MPPED2: variants seen among roughly 807,000 people sequenced by gnomAD.
MPPED2 encodes metallophosphoesterase domain containing 2.
In MPPED2, 5 loss-of-function variants were observed where a neutral mutation model predicts 33.0. The observed-to-expected ratio is 0.15, with a 90% CI of 0.08 to 0.32. The LOEUF (loss-of-function observed/expected upper bound fraction) is 0.32, where lower values mean the gene tolerates loss of function less well. Among genes scored for constraint, MPPED2 ranks in the 10% least tolerant of loss-of-function variants. The pLI is 1.00. For synonymous variants in MPPED2, 136 were observed against 141.9 expected (o/e 0.96, Z 0.29); for missense variants, 275 against 372.1 (o/e 0.74, Z 2.15).
chr11:30,566,622 T>C (rs1406134356), intron 2 of MPPED2, among the ~76,000 whole-genome samples: 3 of 152,220 alleles, frequency 2.0e-5, no homozygotes, highest in African/African-American at 7.2e-5. Context: ...CACATGTTAA[T>C]TCCTCGAATC....
intron 4 of MPPED2, among the ~76,000 whole-genome samples, chr11:30,432,950 T>C (rs1186779556): frequency 6.6e-6 from 1 of 152,160 alleles, no homozygotes; most frequent in Non-Finnish European, 1.5e-5. Flanking sequence ...AATGTGAACG[T>C]GGAAAAAAGC....
At chr11:30,585,706 G>C (rs1957433627) in intron 1 of MPPED2, among the ~76,000 whole-genome samples, 1 of 152,142 alleles carries the variant, frequency 6.6e-6, no homozygotes, top group African/African-American at 2.4e-5. Flanking sequence ...GGGGACTGAT[G>C]GCTGGAGGGG....
In MPPED2 at chr11:30,583,134, C is replaced by CTTTTTTTCTTTTTTTTTTTTTTTTT. The variant is rs1554919022; in HGVS notation, c.-121-2641_-121-2640insAAAAAAAAAAAAAAAAAGAAAAAAA. Among the ~76,000 whole-genome samples, 90 of 96,698 alleles carry CTTTTTTTCTTTTTTTTTTTTTTTTT rather than the reference C, an allele frequency of 9.3e-4. 4 individuals are homozygous for CTTTTTTTCTTTTTTTTTTTTTTTTT. Among genetic ancestry groups the CTTTTTTTCTTTTTTTTTTTTTTTTT allele is most frequent in the African/African-American group, 1.3e-3 (27 of 20,682 alleles). 63.4% of individuals were successfully genotyped at this position (96,698 alleles called of 152,430 possible). On this transcript the variant is annotated intron_variant, in intron 1 of 6. Transcript: ENST00000358117. ...CACAAACACCTGGAAAAGACTTTTT[C>CTTTTTTTCTTTTTTTTTTTTTTTTT]TTTTTTTTTTTTTTTTTTTTTTTTT...
chr11:30,577,431 A>T (rs1278481293), intron 2 of MPPED2, among the ~76,000 whole-genome samples: 1 of 152,202 alleles, frequency 6.6e-6, no homozygotes, highest in African/African-American at 2.4e-5. Flanking sequence ...TAACAATCCC[A>T]TGCAAAATAA....
rs753110690 is a variant in MPPED2 at position 30,535,978 on chromosome 11, C to T, written c.310+16G>A. On this transcript the variant is annotated intron_variant, in intron 3 of 6. Coordinates refer to ENST00000358117, the MANE Select transcript of MPPED2 (RefSeq NM_001584.3). The stretch of plus-strand genomic sequence containing the variant: ...GAAAGGTTAATTGGGGCCGCCAGAA[C>T]GCAATCATTCCTTACCTAACCAGTC... 33 of 1,574,166 alleles carry T rather than the reference C, an allele frequency of 2.1e-5. No homozygotes were observed. The highest frequency in any genetic ancestry group is 2.0e-4 in the Admixed American group (11 of 53,832).
intron 2 of MPPED2, among the ~76,000 whole-genome samples, chr11:30,558,321 T>C (rs1956080219): frequency 6.6e-6 from 1 of 152,188 alleles, no homozygotes; most frequent in Admixed American, 6.5e-5. Flanking sequence ...AAAGCTATAG[T>C]TCAGCTATTC....
At chr11:30,541,722 A>G (rs1955130281) in intron 2 of MPPED2, among the ~76,000 whole-genome samples, 1 of 152,110 alleles carries the variant, frequency 6.6e-6, no homozygotes, top group South Asian at 2.1e-4. Context: ...CCTCTCAAGT[A>G]ACTACGACTA....
intron 1 of MPPED2, among the ~76,000 whole-genome samples, chr11:30,583,134 C>CTTTTTTTCTTTTTTTCTT (rs1554919022): frequency 1.0e-5 from 1 of 96,712 alleles, no homozygotes; most frequent in Non-Finnish European, 2.0e-5. Context: ...AAGACTTTTT[C>CTTTTTTTCTTTTTTTCTT]TTTTTTTTTT....
chr11:30,580,771 C>T (rs890479869), intron 1 of MPPED2, among the ~76,000 whole-genome samples: 1 of 152,140 alleles, frequency 6.6e-6, no homozygotes, highest in Non-Finnish European at 1.5e-5. Flanking sequence ...GCGTGAATTA[C>T]GGAAGGGGCA....
chr11:30,428,481 G>T lies in MPPED2; in HGVS notation c.537-10848C>A, dbSNP rs143445984. 1.1e-3 allele frequency among the ~76,000 whole-genome samples: 167 copies of T among 152,270 alleles called. 2 individuals carry two copies. Among genetic ancestry groups the T allele is most frequent in the African/African-American group, 3.5e-3 (146 of 41,554 alleles). On this transcript the variant is annotated intron_variant, in intron 4 of 6. Coordinates refer to ENST00000358117, the MANE Select transcript of MPPED2 (RefSeq NM_001584.3). ...TTGAGCCCAGGAGTTTGAAGATGCA[G>T]TGAGCTCTGATACACCACTGCACTC...
chr11:30,550,167 G>T (rs1590818621), intron 2 of MPPED2, among the ~76,000 whole-genome samples: 2 of 152,140 alleles, frequency 1.3e-5, no homozygotes, highest in African/African-American at 4.8e-5. Flanking sequence ...TTCCGTGGAG[G>T]CAATGTGATT....
intron 3 of MPPED2, among the ~76,000 whole-genome samples, chr11:30,529,323 T>A (rs996413086): frequency 1.3e-5 from 2 of 152,244 alleles, no homozygotes; most frequent in African/African-American, 4.8e-5. Context: ...TATGGAGGAA[T>A]GTATATTTTA....
intron 4 of MPPED2, among the ~76,000 whole-genome samples, chr11:30,439,154 A>G (rs1949452615): frequency 6.6e-6 from 1 of 152,218 alleles, no homozygotes; most frequent in Admixed American, 6.5e-5. Flanking sequence ...TAAATTCAAG[A>G]TTAGGCCCTT....
intron 6 of MPPED2, among the ~76,000 whole-genome samples, chr11:30,396,354 G>A (rs1008277495): frequency 3.9e-5 from 6 of 152,134 alleles, no homozygotes; most frequent in Non-Finnish European, 7.4e-5. Flanking sequence ...GCAGCTGCCT[G>A]TATATACCTG....
rs147490521 is a variant in MPPED2 at position 30,423,612 on chromosome 11, A to G, written c.537-5979T>C. 5.9e-5 allele frequency among the ~76,000 whole-genome samples: 9 copies of G among 152,326 alleles called. No homozygotes were observed. The East Asian group carries it at 1.7e-3, about 29-fold the overall frequency. On this transcript the variant is annotated intron_variant, in intron 4 of 6. Coordinates refer to ENST00000358117, the MANE Select transcript of MPPED2 (RefSeq NM_001584.3). The stretch of plus-strand genomic sequence containing the variant: ...AAGAGCATGGATTATGGAGTCAAAC[A>G]GACCCAAGTTCAAGTTCCAGACTGG...
chr11:30,475,486 T>A (rs991743168), intron 4 of MPPED2, among the ~76,000 whole-genome samples: 1 of 152,302 alleles, frequency 6.6e-6, no homozygotes, highest in Admixed American at 6.5e-5. Context: ...CGACCATTGA[T>A]CTTTTCGTCA....
chr11:30,514,250 C>T (rs1018166227), intron 3 of MPPED2, among the ~76,000 whole-genome samples: 2 of 152,104 alleles, frequency 1.3e-5, no homozygotes, highest in Admixed American at 6.6e-5. Context: ...TCCTGGCCAG[C>T]GAAACATGAA....
At chr11:30,545,132 G>C (rs2134570567) in intron 2 of MPPED2, among the ~76,000 whole-genome samples, 1 of 152,202 alleles carries the variant, frequency 6.6e-6, no homozygotes, top group Admixed American at 6.5e-5. Context: ...GAACCTGGAG[G>C]GCATGGAAAA....
chr11:30,552,760 C>G (rs1036979187), intron 2 of MPPED2, among the ~76,000 whole-genome samples: 1 of 152,134 alleles, frequency 6.6e-6, no homozygotes, highest in Non-Finnish European at 1.5e-5. Flanking sequence ...CTATACCCCC[C>G]AAAGGCTTTT....
Sources: gnomAD v4.1 joint callset for allele counts (sites outside exome capture counted in the v4.1 genomes callset) on GRCh38, gnomAD v4.1.1 for gene constraint, MANE v1.5 for transcripts, NCBI Gene and HGNC (gene_info 2026-07-23, HGNC 2026-07-21) for gene names.